Variants in KIF1B observed in about 807,000 individuals in gnomAD.
The protein encoded by KIF1B is kinesin-like protein KIF1B.
In KIF1B, 76 loss-of-function variants were observed where a neutral mutation model predicts 241.9. The ratio of observed to expected loss-of-function variants is 0.31; its 90% confidence interval spans 0.26 to 0.38. KIF1B has a LOEUF of 0.38. Among genes scored for constraint, KIF1B ranks in the 10% least tolerant of loss-of-function variants. The pLI is 1.00. For missense variants in KIF1B, 1,622 were observed against 2,271.4 expected, an observed-to-expected ratio of 0.71 and a Z score of 5.81; for synonymous variants, 750 against 796.7, an observed-to-expected ratio of 0.94 and a Z score of 0.99.
chr1:10,363,449 TGGGA>T, intron 41 of KIF1B, 105 bp downstream of exon 41: 1 of 980,790 alleles, frequency 1.0e-6, no homozygotes, highest in Non-Finnish European at 1.6e-6. Flanking sequence ...CCCAGCGCTT[TGGGA>T]GGCCAAGGCG....
intron 15 of KIF1B, among the ~76,000 whole-genome samples, chr1:10,290,592 C>T (rs1649946052): frequency 6.6e-6 from 1 of 151,930 alleles, no homozygotes; most frequent in Non-Finnish European, 1.5e-5. Flanking sequence ...TGCCATTCTC[C>T]TTCCTCAGCC....
chr1:10,249,499 A>G (rs373401130), intron 2 of KIF1B, among the ~76,000 whole-genome samples: 1 of 152,236 alleles, frequency 6.6e-6, no homozygotes, highest in East Asian at 1.9e-4. Context: ...TAGAGGATCC[A>G]TAAGACATGG....
intron 2 of KIF1B, among the ~76,000 whole-genome samples, chr1:10,248,620 A>G (rs1006224740): frequency 2.6e-5 from 4 of 152,196 alleles, no homozygotes; most frequent in African/African-American, 9.6e-5. Context: ...TCTTTATGTT[A>G]TACAAATGGA....
At position 10,337,314 on chromosome 1, in the gene KIF1B, A is replaced by G. The variant is rs1417520870; in HGVS notation, c.3260-57A>G. 6.2e-7 allele frequency: 1 copy of G among 1,612,872 alleles called. No individual in the cohort carries two copies. Among genetic ancestry groups the G allele is most frequent in the African/African-American group, 1.3e-5 (1 of 74,920 alleles). ...TCAACTAGGAATGGAAAGCATGCCC[A>G]ACTCCCTCCTCTTTGCATTATTTGA... On this transcript the variant is annotated intron_variant, in intron 30 of 48. Coordinates refer to ENST00000676179, the MANE Select transcript of KIF1B (RefSeq NM_001365951.3). This position sits in a 1 kb window ranked among gnomAD's most constrained non-coding sequence, Gnocchi z 4.0.
At chr1:10,244,370 A>G (rs1227821853) in intron 2 of KIF1B, among the ~76,000 whole-genome samples, 1 of 141,770 alleles carries the variant, frequency 7.1e-6, no homozygotes, top group Non-Finnish European at 1.5e-5. Context: ...GCTGGAGTGC[A>G]ATGGCCCGAT....
chr1:10,275,620 G>T, intron 11 of KIF1B, 117 bp downstream of exon 11: 1 of 763,134 alleles, frequency 1.3e-6, no homozygotes, highest in South Asian at 1.4e-5. Context: ...GTTACTACTT[G>T]AGTGTTCCTT....
chr1:10,253,955 C>A (rs1647613411), intron 2 of KIF1B, among the ~76,000 whole-genome samples: 1 of 152,206 alleles, frequency 6.6e-6, no homozygotes, highest in African/African-American at 2.4e-5. Flanking sequence ...TATTTGTGTA[C>A]TGAGCAACAG....
At chr1:10,316,741 G>T (rs1651321204) in intron 22 of KIF1B, among the ~76,000 whole-genome samples, 1 of 151,510 alleles carries the variant, frequency 6.6e-6, no homozygotes, top group South Asian at 2.1e-4. Flanking sequence ...GGCTCAAGCA[G>T]TTTGCCTGCC....
intron 38 of KIF1B, among the ~76,000 whole-genome samples, chr1:10,360,557 C>T (rs1192283146): frequency 1.3e-5 from 2 of 151,564 alleles, no homozygotes; most frequent in African/African-American, 2.4e-5. Context: ...TGGTGGCGGG[C>T]GCCTGTAATC....
At position 10,379,344 on chromosome 1, in the gene KIF1B, G is replaced by C. The variant is rs1046283449; in HGVS notation, c.*2757G>C. On this transcript the variant is annotated 3_prime_UTR_variant, in exon 49 of 49. Transcript: ENST00000676179. ...GTTCATAGCGTGCCTGAATAAGAAG[G>C]CCTCTTAGGGAGCCAGAGGGAGCAG... 4.3e-6 allele frequency: 1 copy of C among 231,498 alleles called. No homozygotes were observed. 14.3% of individuals were successfully genotyped at this position (231,498 alleles called of 1,614,324 possible).
intron 2 of KIF1B, among the ~76,000 whole-genome samples, chr1:10,250,933 C>T (rs1045693414): frequency 2.0e-5 from 3 of 152,084 alleles, no homozygotes; most frequent in African/African-American, 4.8e-5. Context: ...GATGCCGAGG[C>T]GGGTGGATCA....
intron 7 of KIF1B, among the ~76,000 whole-genome samples, chr1:10,271,284 G>T (rs1311148814): frequency 1.3e-5 from 2 of 152,116 alleles, no homozygotes; most frequent in Non-Finnish European, 1.5e-5. Context: ...AGCTTCCTGA[G>T]TAGCTGGGAC....
At chr1:10,221,740 AATTCAGAG>A (rs1646847780) in intron 1 of KIF1B, among the ~76,000 whole-genome samples, 1 of 152,232 alleles carries the variant, frequency 6.6e-6, no homozygotes, top group African/African-American at 2.4e-5. Context: ...TTTAAAATGT[AATTCAGAG>A]GAAAATGTTA....
intron 23 of KIF1B, among the ~76,000 whole-genome samples, chr1:10,320,497 G>A (rs529934233): frequency 6.6e-6 from 1 of 152,244 alleles, no homozygotes; most frequent in Admixed American, 6.5e-5. Context: ...TGTTCAATTT[G>A]AAGCCATTTC....
chr1:10,343,324 T>A (rs781598502), intron 34 of KIF1B, 37 bp downstream of exon 34: 3 of 1,588,716 alleles, frequency 1.9e-6, no homozygotes, highest in Non-Finnish European at 2.6e-6. Flanking sequence ...GATGATCTCT[T>A]TGTGAATACA....
intron 2 of KIF1B, among the ~76,000 whole-genome samples, chr1:10,253,181 C>A (rs577221708): frequency 1.8e-4 from 27 of 152,308 alleles, no homozygotes; most frequent in African/African-American, 6.5e-4. Flanking sequence ...GGTGTCTGGG[C>A]TAAGAGTGTG....
chr1:10,229,596 C>G (rs1165175574), intron 1 of KIF1B, among the ~76,000 whole-genome samples: 1 of 152,000 alleles, frequency 6.6e-6, no homozygotes, highest in Admixed American at 6.6e-5. Flanking sequence ...GTGGCTCATG[C>G]CTGTAATCCC....
intron 22 of KIF1B, among the ~76,000 whole-genome samples, chr1:10,315,197 T>TA (rs1314421162): frequency 2.9e-5 from 4 of 136,170 alleles, no homozygotes; most frequent in Non-Finnish European, 6.3e-5. Context: ...TTTTTTTTTT[T>TA]AAGACGGAGT....
chr1:10,259,117 A>G (rs993963434), intron 4 of KIF1B, among the ~76,000 whole-genome samples: 3 of 146,136 alleles, frequency 2.1e-5, no homozygotes, highest in Non-Finnish European at 4.5e-5. Flanking sequence ...ATTTAATACT[A>G]TGACTTTAAA....
Sources: gnomAD v4.1 joint callset for allele counts (sites outside exome capture counted in the v4.1 genomes callset) on GRCh38, gnomAD v4.1.1 for gene constraint, Gnocchi (gnomAD v3.1) non-coding constraint, MANE v1.5 for transcripts, NCBI Gene and HGNC (gene_info 2026-07-23, HGNC 2026-07-21) for gene names.